Variants in EPHB3 observed in about 807,000 individuals in gnomAD.
The protein encoded by EPHB3 is ephrin type-B receptor 3.
In EPHB3, 33 loss-of-function variants were observed where a neutral mutation model predicts 100.2. The ratio of observed to expected loss-of-function variants is 0.33; its 90% CI spans 0.25 to 0.44. The LOEUF (loss-of-function observed/expected upper bound fraction) is 0.44. Among genes scored for constraint, EPHB3 ranks in the 20% least tolerant of loss-of-function variants. The pLI is 1.00. For missense variants in EPHB3, 1,045 were observed against 1,378.3 expected (o/e 0.76, Z 3.83); for synonymous variants, 526 against 554.7 (o/e 0.95, Z 0.73).
Position 184,579,670 on chromosome 3 carries a change from T to A in EPHB3, c.1925-17T>A. On this transcript the variant is annotated splice_polypyrimidine_tract_variant and intron_variant, in intron 10 of 15. Transcript: ENST00000330394. This position sits in a 1 kb window ranked among gnomAD's most constrained non-coding sequence, Gnocchi z 5.2. Reference sequence around the variant, plus strand: ...GGGTACAGGAGTGAGTCATAGCTTGTGCCCTGTGCCCTGCAGGGGAATTTG... The same window carrying A: ...GGGTACAGGAGTGAGTCATAGCTTGAGCCCTGTGCCCTGCAGGGGAATTTG... 6.2e-7 allele frequency: 1 copy of A among 1,610,082 alleles called. No individual in the cohort carries two copies. The highest frequency in any genetic ancestry group is 1.1e-5 in the South Asian group (1 of 90,864).
chr3:184,573,468 C>T lies in EPHB3; in HGVS notation c.856+292C>T, dbSNP rs1033438732. Among the ~76,000 whole-genome samples the T allele has an allele frequency of 2.0e-5, 3 of 152,190 alleles. No individual in the cohort carries two copies. Among genetic ancestry groups the T allele is most frequent in the African/African-American group, 7.2e-5 (3 of 41,436 alleles). On this transcript the variant is annotated intron_variant, in intron 3 of 15. Coordinates refer to ENST00000330394, the MANE Select transcript of EPHB3 (RefSeq NM_004443.4). This position sits in a 1 kb window ranked among gnomAD's most constrained non-coding sequence, Gnocchi z 4.5. ...CAAGCAGGCACCTGGAGAACGCAGT[C>T]AGAAGCTTAGGAGGCTGGCAGAGAT...
rs1382203092 is a variant in EPHB3, at chr3:184,569,015, A to T, written c.119-2303A>T. On this transcript the variant is annotated intron_variant, in intron 1 of 15. Transcript: ENST00000330394. This position sits in a 1 kb window ranked among gnomAD's most constrained non-coding sequence, Gnocchi z 5.4. The stretch of plus-strand genomic sequence containing the variant: ...CCCTCCGCTCCCTCCTCCCGGAGCC[A>T]GCGCAGGGCTTGTTTTAAACTGTGG... 6.6e-6 allele frequency among the ~76,000 whole-genome samples: 1 copy of T among 151,112 alleles called. No individual in the cohort carries two copies. Among genetic ancestry groups the T allele is most frequent in the Non-Finnish European group, 1.5e-5 (1 of 67,736 alleles).
chr3:184,570,905 G>C (rs578012475), intron 1 of EPHB3, among the ~76,000 whole-genome samples: 3 of 151,906 alleles, frequency 2.0e-5, no homozygotes, highest in Non-Finnish European at 2.9e-5. Context: ...CAGGACTTGT[G>C]GAAAGTGGAG....
intron 1 of EPHB3, among the ~76,000 whole-genome samples, chr3:184,568,602 C>CG (rs1491405973): frequency 7.7e-5 from 11 of 143,696 alleles, no homozygotes; most frequent in Non-Finnish European, 1.1e-4. Flanking sequence ...ACCCCCCCCC[C>CG]ACATCCCCCT....
Position 184,571,960 on chromosome 3 carries a change from G to A in EPHB3, c.184-544G>A, listed in dbSNP as rs992159705. 6.6e-6 allele frequency among the ~76,000 whole-genome samples: 1 copy of A among 152,210 alleles called. No homozygotes were observed. Among genetic ancestry groups the A allele is most frequent in the Non-Finnish European group, 1.5e-5 (1 of 68,046 alleles). ...CCTTGGGCAAAACTCCCTTCTGCGA[G>A]CCTTGGCTTCCTCATCTCTAAACGT... On this transcript the variant is annotated intron_variant, in intron 2 of 15. Coordinates refer to ENST00000330394, the MANE Select transcript of EPHB3 (RefSeq NM_004443.4). The surrounding 1 kb of genome is among the most constrained non-coding windows in gnomAD (Gnocchi z 5.0).
At position 184,575,280 on chromosome 3, in the gene EPHB3, C is replaced by G. The variant is rs1156500038; in HGVS notation, c.857-550C>G. 3.6e-5 allele frequency: 35 copies of G among 966,482 alleles called. No homozygotes were observed. In the Admixed American group the frequency reaches 2.0e-3, roughly 56 times the overall value. The allele number at this position is 966,482 out of a possible 1,614,324, so 59.9% of individuals were successfully genotyped here. On this transcript the variant is annotated intron_variant, in intron 3 of 15. Transcript: ENST00000330394. Reference sequence around the variant, plus strand: ...CTGCCTGCTTTCTTTCTCTCCTCCTCTCACCCGTCCTCAGCCCCCATCCCT... The same window carrying G: ...CTGCCTGCTTTCTTTCTCTCCTCCTGTCACCCGTCCTCAGCCCCCATCCCT...
rs1714543496 is a variant in EPHB3, at chr3:184,571,698, G to A, written c.183+316G>A. Among the ~76,000 whole-genome samples the A allele has an allele frequency of 1.3e-5, 2 of 152,104 alleles. No individual in the cohort carries two copies. Among genetic ancestry groups the A allele is most frequent in the South Asian group, 4.1e-4 (2 of 4,822 alleles). On this transcript the variant is annotated intron_variant, in intron 2 of 15. Transcript: ENST00000330394. The surrounding 1 kb of genome is among the most constrained non-coding windows in gnomAD (Gnocchi z 5.0). ...CCATCTCCCTCCTCCCTGGGTCCCT[G>A]GAGAAAACACTGGCTTGGAAACCTT... is the stretch of plus-strand genomic sequence containing the variant.
In EPHB3 at chr3:184,565,484, G is replaced by A. The variant is rs1035785204; in HGVS notation, c.118+3131G>A. The stretch of plus-strand genomic sequence containing the variant: ...GGGAAGATATCCTTTTGAGAAAAGA[G>A]AAACAGTTACCAGATCGCAGGAGGT... On this transcript the variant is annotated intron_variant, in intron 1 of 15. Coordinates refer to ENST00000330394, the MANE Select transcript of EPHB3 (RefSeq NM_004443.4). The surrounding 1 kb of genome is among the most constrained non-coding windows in gnomAD (Gnocchi z 4.8). Among the ~76,000 whole-genome samples the A allele has an allele frequency of 3.3e-5, 5 of 152,186 alleles. No homozygotes were observed. The highest frequency in any genetic ancestry group is 5.9e-5 in the Non-Finnish European group (4 of 68,028).
intron 1 of EPHB3, among the ~76,000 whole-genome samples, chr3:184,568,066 T>C (rs1714439707): frequency 6.6e-6 from 1 of 152,208 alleles, no homozygotes. Flanking sequence ...TGTCACTCTT[T>C]AGCCCCAGTG....
rs1449885443 is a variant in EPHB3, at chr3:184,581,717, G to GC, written c.*96dup. 1 of 1,252,568 alleles carries GC rather than the reference G, an allele frequency of 8.0e-7. No individual in the cohort carries two copies. The highest frequency in any genetic ancestry group is 1.5e-5 in the African/African-American group (1 of 66,040). 77.6% of individuals were successfully genotyped at this position (1,252,568 alleles called of 1,614,324 possible). Reference sequence around the variant, plus strand: ...TGGACTTTTGGATGCCTGGCCTTAGGCTGTGGCCCAGAAGCTGGAAGTTTG... The same window carrying GC: ...TGGACTTTTGGATGCCTGGCCTTAGGCCTGTGGCCCAGAAGCTGGAAGTTTG... On this transcript the variant is annotated 3_prime_UTR_variant, in exon 16 of 16. Transcript: ENST00000330394.
chr3:184,575,271 TCTC>T (rs1390388093), intron 3 of EPHB3: 3 of 975,786 alleles, frequency 3.1e-6, no homozygotes, highest in African/African-American at 3.5e-5. Context: ...GCTTTCTTTC[TCTC>T]CTCCTCTCAC....
At position 184,579,387 on chromosome 3, in the gene EPHB3, G is replaced by C; in HGVS notation, c.1802-90G>C. On this transcript the variant is annotated intron_variant, in intron 9 of 15. Coordinates refer to ENST00000330394, the MANE Select transcript of EPHB3 (RefSeq NM_004443.4). The surrounding 1 kb of genome is among the most constrained non-coding windows in gnomAD (Gnocchi z 5.2). ...AGCAACACAGAGGAATATGGGGCTG[G>C]GCTCAGCAGGGAGCCTGCTGGAGCT... 4 of 1,558,876 alleles carry C rather than the reference G, an allele frequency of 2.6e-6. No homozygotes were observed. Among genetic ancestry groups the C allele is most frequent in the Admixed American group, 1.8e-5 (1 of 56,720 alleles).
At chr3:184,570,366 C>T (rs1022083662) in intron 1 of EPHB3, among the ~76,000 whole-genome samples, 4 of 152,226 alleles carry the variant, frequency 2.6e-5, no homozygotes, top group African/African-American at 9.6e-5. Context: ...TCCCCTCACC[C>T]CAAGTCCTAG....
intron 15 of EPHB3, 35 bp downstream of exon 15, chr3:184,581,443 G>C: frequency 6.3e-7 from 1 of 1,586,530 alleles, no homozygotes; most frequent in Non-Finnish European, 8.6e-7. Flanking sequence ...AGCAGGGCAG[G>C]GGGCCCTAGG....
At position 184,579,372 on chromosome 3, in the gene EPHB3, A is replaced by G; in HGVS notation, c.1802-105A>G. 6.6e-7 allele frequency: 1 copy of G among 1,521,216 alleles called. No individual in the cohort carries two copies. 94.2% of individuals were successfully genotyped at this position (1,521,216 alleles called of 1,614,324 possible). A position where few individuals can be genotyped will look rare whatever the true frequency, so the allele number is the denominator to read the frequency against. On this transcript the variant is annotated intron_variant, in intron 9 of 15. Transcript: ENST00000330394. The surrounding 1 kb of genome is among the most constrained non-coding windows in gnomAD (Gnocchi z 5.2). ...CTGGAGGATTAGGGCAGCAACACAG[A>G]GGAATATGGGGCTGGGCTCAGCAGG...
In EPHB3 at chr3:184,572,693, T is replaced by C. The variant is rs777415226; in HGVS notation, c.373T>C (p.Ser125Pro). The C allele has an allele frequency of 6.2e-7, 1 of 1,609,676 alleles. No individual in the cohort carries two copies. Among genetic ancestry groups the C allele is most frequent in the East Asian group, 2.2e-5 (1 of 44,844 alleles). ...DCNSIPNIPG[S>P]CKETFNLFYY... is the part of the protein sequence containing the mutation. ...CAACAGCATCCCCAACATCCCCGGC[T>C]CCTGCAAGGAGACCTTCAACCTCTT... The change falls in exon 3 of 16, where the codon TCC (serine) becomes CCC (proline). Residue 125 changes from serine to proline, a missense_variant. Physicochemically the swap from Ser to Pro is moderately conservative, Grantham distance 74 (BLOSUM62 -1). This residue lies in a region of EPHB3 where 985 missense variants were observed against 1,331.1 expected (regional missense o/e 0.74). Coordinates refer to ENST00000330394, the MANE Select transcript of EPHB3 (RefSeq NM_004443.4). The surrounding 1 kb of genome is among the most constrained non-coding windows in gnomAD (Gnocchi z 6.6).
In EPHB3 at chr3:184,577,031, G is replaced by A. The variant is rs140106380; in HGVS notation, c.1202G>A (p.Arg401Gln). ...RCDDNVEFVP[R>Q]QLGLTERRVH... is the part of the protein sequence containing the mutation. ...GATGACAACGTGGAGTTTGTGCCTC[G>A]GCAGCTGGGCCTGACGGAGCGCCGG... is the stretch of plus-strand genomic sequence containing the variant. The change falls in exon 5 of 16, where the codon CGG becomes CAG. Residue 401 changes from arginine (R) to glutamine (Q), a missense_variant. Coordinates refer to ENST00000330394, the MANE Select transcript of EPHB3 (RefSeq NM_004443.4). The surrounding 1 kb of genome is among the most constrained non-coding windows in gnomAD (Gnocchi z 4.9). The A allele has an allele frequency of 1.5e-4, 237 of 1,613,836 alleles. No homozygotes were observed. Among genetic ancestry groups the A allele is most frequent in the Non-Finnish European group, 1.7e-4 (205 of 1,180,012 alleles).
Position 184,582,100 on chromosome 3 carries a change from C to G in EPHB3, c.*478C>G, listed in dbSNP as rs1375652982. The G allele has an allele frequency of 6.4e-6, 1 of 155,708 alleles. No homozygotes were observed. Among genetic ancestry groups the G allele is most frequent in the Admixed American group, 6.3e-5 (1 of 15,756 alleles). The allele number at this position is 155,708 out of a possible 1,614,324, so 9.6% of individuals were successfully genotyped here. On this transcript the variant is annotated 3_prime_UTR_variant, in exon 16 of 16. Transcript: ENST00000330394. ...ACCACCATCCTGAAGCCAGCTTGCACCTCCAGTTTGCACAGGGATTTGTTC... is the reference window on the plus strand; with the variant it reads ...ACCACCATCCTGAAGCCAGCTTGCAGCTCCAGTTTGCACAGGGATTTGTTC...
Position 184,572,778 on chromosome 3 carries a change from C to G in EPHB3, c.458C>G (p.Pro153Arg). The change falls in exon 3 of 16, where the codon CCC becomes CGC. Residue 153 changes from proline to arginine, a missense_variant. Pro to Arg is a moderately radical substitution (Grantham distance 103). Around this residue, in one of 2 missense-constraint regions of EPHB3, gnomAD observed 985 missense variants for 1,331.1 expected, o/e 0.74. Coordinates refer to ENST00000330394, the MANE Select transcript of EPHB3 (RefSeq NM_004443.4). The surrounding 1 kb of genome is among the most constrained non-coding windows in gnomAD (Gnocchi z 6.6). ...SASSPFWMEN[P>R]YVKVDTIAPD... is the part of the protein sequence containing the mutation. The stretch of plus-strand genomic sequence containing the variant: ...TCCTCCCCCTTCTGGATGGAGAACC[C>G]CTACGTGAAAGTGGACACCATTGCA... 1 of 1,604,180 alleles carries G rather than the reference C, an allele frequency of 6.2e-7. No individual in the cohort carries two copies. The highest frequency in any genetic ancestry group is 8.5e-7 in the Non-Finnish European group (1 of 1,176,460).
Sources: gnomAD v4.1 joint callset for allele counts (sites outside exome capture counted in the v4.1 genomes callset) on GRCh38, gnomAD v4.1.1 for gene constraint, gnomAD v4.1.1 regional missense constraint, Gnocchi (gnomAD v3.1) non-coding constraint, MANE v1.5 for transcripts, NCBI Gene and HGNC (gene_info 2026-07-23, HGNC 2026-07-21) for gene names.